The following MEIS2 variants were observed in gnomAD, a reference collection of about 807,000 sequenced individuals.
The protein encoded by MEIS2 is homeobox protein Meis2.
MEIS2 carries 9 observed loss-of-function variants against 58.6 expected under a neutral mutation model. That is an observed-to-expected ratio of 0.15 (90% CI 0.09 to 0.27). MEIS2 has a LOEUF of 0.27. MEIS2 is among the 10% of genes least tolerant of loss of function. The pLI is 1.00. For synonymous variants in MEIS2, 221 were observed against 228.4 expected (o/e 0.97, Z 0.29); for missense variants, 427 against 635.0 (o/e 0.67, Z 3.52).
At chr15:37,014,952 T>G (rs939878360) in intron 8 of MEIS2, among the ~76,000 whole-genome samples, 2 of 152,224 alleles carry the variant, frequency 1.3e-5, no homozygotes, top group African/African-American at 4.8e-5. Flanking sequence ...CTCATTCTTT[T>G]TAATCATAAA....
At chr15:37,070,537 C>T (rs565817873) in intron 7 of MEIS2, among the ~76,000 whole-genome samples, 2 of 152,188 alleles carry the variant, frequency 1.3e-5, no homozygotes, top group Non-Finnish European at 2.9e-5. Context: ...GGGATCTGAA[C>T]ATTCCTGTAG....
intron 8 of MEIS2, among the ~76,000 whole-genome samples, chr15:37,024,162 T>G (rs879450753): frequency 5.3e-5 from 8 of 152,098 alleles, no homozygotes; most frequent in Non-Finnish European, 7.4e-5. Context: ...CCTCCCAAAG[T>G]GCTGGGATTA....
At chr15:36,983,912 A>T (rs181452418) in intron 8 of MEIS2, among the ~76,000 whole-genome samples, 1 of 151,536 alleles carries the variant, frequency 6.6e-6, no homozygotes, top group East Asian at 1.9e-4. Context: ...ATGCTATGGG[A>T]TTGTTTTCTT....
intron 8 of MEIS2, among the ~76,000 whole-genome samples, chr15:36,965,085 C>T (rs536909428): frequency 3.9e-5 from 6 of 152,300 alleles, no homozygotes; most frequent in South Asian, 4.2e-4. Context: ...GAATTAAATG[C>T]AAGAACTTAA....
chr15:37,085,052 T>A (rs920014970), intron 6 of MEIS2, among the ~76,000 whole-genome samples: 28 of 152,234 alleles, frequency 1.8e-4, no homozygotes, highest in Middle Eastern at 3.4e-3. Context: ...AAGTATATAC[T>A]GAAGTATACA....
intron 9 of MEIS2, among the ~76,000 whole-genome samples, chr15:36,929,606 T>C (rs2057889675): frequency 6.6e-6 from 1 of 152,172 alleles, no homozygotes; most frequent in Non-Finnish European, 1.5e-5. Flanking sequence ...TACATTTGAT[T>C]CTGAACTGGA....
In MEIS2 at chr15:36,970,883, C is replaced by T. The variant is rs189266318; in HGVS notation, c.901-20483G>A. Among the ~76,000 whole-genome samples the T allele has an allele frequency of 1.1e-4, 16 of 152,184 alleles. No individual in the cohort carries two copies. In the East Asian group the frequency reaches 3.1e-3, roughly 29 times the overall value. On this transcript the variant is annotated intron_variant, in intron 8 of 11. Transcript: ENST00000561208. ...GGGAGGGCACTGTGTCACGTTAGAGCAGAGAACAGAAAATGTGTTAATACA... is the reference window on the plus strand; with the variant it reads ...GGGAGGGCACTGTGTCACGTTAGAGTAGAGAACAGAAAATGTGTTAATACA...
At chr15:36,971,981 C>G (rs11635196) in intron 8 of MEIS2, among the ~76,000 whole-genome samples, 63,278 of 151,900 alleles carry the variant, frequency 0.42, 13,521 homozygotes, top group African/African-American at 0.48. Context: ...TGGAGCAACA[C>G]GTAACTAAAT....
At chr15:36,939,726 T>C (rs1219552570) in intron 9 of MEIS2, among the ~76,000 whole-genome samples, 1 of 152,204 alleles carries the variant, frequency 6.6e-6, no homozygotes, top group Non-Finnish European at 1.5e-5. Context: ...TCATTAAAAG[T>C]ATTATTTAAA....
chr15:36,979,391 T>C (rs1055091000), intron 8 of MEIS2, among the ~76,000 whole-genome samples: 2 of 152,248 alleles, frequency 1.3e-5, no homozygotes, highest in Middle Eastern at 3.4e-3. Flanking sequence ...AGATACTCCA[T>C]GTAAACACTC....
intron 8 of MEIS2, among the ~76,000 whole-genome samples, chr15:36,987,407 C>CAAA (rs71126250): frequency 8.6e-6 from 1 of 115,832 alleles, no homozygotes; most frequent in African/African-American, 3.5e-5. Context: ...GACCCTGTCT[C>CAAA]AAAAAAAAAA....
At chr15:37,000,351 A>G (rs2060676233) in intron 8 of MEIS2, among the ~76,000 whole-genome samples, 2 of 152,044 alleles carry the variant, frequency 1.3e-5, no homozygotes, top group Admixed American at 6.6e-5. Flanking sequence ...ACATCCTAAT[A>G]AGGACTGGAG....
chr15:36,895,013 A>T, intron 11 of MEIS2, 138 bp downstream of exon 11: 1 of 913,850 alleles, frequency 1.1e-6, no homozygotes, highest in East Asian at 2.4e-5. Flanking sequence ...CCCCCACCCA[A>T]TGTAAAGAAA....
At chr15:36,989,565 G>A (rs1362145007) in intron 8 of MEIS2, among the ~76,000 whole-genome samples, 1 of 152,110 alleles carries the variant, frequency 6.6e-6, no homozygotes, top group Non-Finnish European at 1.5e-5. Context: ...CTCTGCCCAA[G>A]GTTCCTTTAC....
At chr15:36,928,306 A>G (rs1489386083) in intron 9 of MEIS2, among the ~76,000 whole-genome samples, 1 of 152,206 alleles carries the variant, frequency 6.6e-6, no homozygotes, top group East Asian at 1.9e-4. Context: ...AAAATGTGAC[A>G]TAACAACAAT....
intron 9 of MEIS2, among the ~76,000 whole-genome samples, chr15:36,914,667 G>A (rs1044466423): frequency 5.3e-5 from 8 of 152,152 alleles, no homozygotes; most frequent in African/African-American, 1.9e-4. Context: ...GAGGGCTCTG[G>A]CTGATGGGAA....
chr15:36,954,853 G>C (rs971665043), intron 8 of MEIS2, among the ~76,000 whole-genome samples: 10 of 152,198 alleles, frequency 6.6e-5, no homozygotes, highest in Admixed American at 5.2e-4. Context: ...TGATCATTAT[G>C]ATGACCACTT....
chr15:37,096,202 G>A (rs1894222710), intron 3 of MEIS2, 87 bp downstream of exon 3: 7 of 1,391,664 alleles, frequency 5.0e-6, no homozygotes, highest in Non-Finnish European at 5.8e-6. Flanking sequence ...GGTGTCCCTG[G>A]CCTTTCCTCC....
At chr15:36,895,113 T>C (rs368245788) in intron 11 of MEIS2, 38 bp downstream of exon 11, 11 of 1,562,950 alleles carry the variant, frequency 7.0e-6, no homozygotes, top group Non-Finnish European at 9.7e-6. Context: ...CAGGTGGCAC[T>C]TCCCAGGGAA....
Sources: gnomAD v4.1 joint callset for allele counts (sites outside exome capture counted in the v4.1 genomes callset) on GRCh38, gnomAD v4.1.1 for gene constraint, MANE v1.5 for transcripts, NCBI Gene and HGNC (gene_info 2026-07-23, HGNC 2026-07-21) for gene names.